GPR155: variants seen among roughly 807,000 people sequenced by gnomAD.
GPR155 encodes the protein G protein-coupled receptor 155, also known as lysosomal cholesterol signaling protein.
A neutral mutation model predicts 93.1 loss-of-function variants in GPR155; 65 were observed. The observed-to-expected ratio is 0.70, with a 90% CI of 0.57 to 0.86. The LOEUF is 0.86. GPR155 is among the 40% of genes least tolerant of loss of function. GPR155 has a pLI of 0.00. For missense variants in GPR155, 838 were observed against 1,034.8 expected (o/e 0.81, Z 2.61); for synonymous variants, 319 against 360.1 (o/e 0.89, Z 1.29).
intron 2 of GPR155, among the ~76,000 whole-genome samples, chr2:174,475,016 C>T (rs1307316118): frequency 6.6e-6 from 1 of 152,046 alleles, no homozygotes; most frequent in Non-Finnish European, 1.5e-5. Flanking sequence ...GGTTTCTCGG[C>T]CGGGCGCGGT....
In GPR155 at chr2:174,482,142, ACATACC is replaced by A. The variant is rs1415594033; in HGVS notation, c.-31-161_-31-156del. ...ACTTATTCAATGGCCAAATAAATAT[ACATACC>A]ATCAGGGAAAATACAATGGAAAAAA... On this transcript the variant is annotated intron_variant, in intron 1 of 15. Coordinates refer to ENST00000392552, the MANE Select transcript of GPR155 (RefSeq NM_152529.7). Among the ~76,000 whole-genome samples the A allele has an allele frequency of 4.0e-4, 61 of 152,354 alleles. 1 individual carries two copies. The highest frequency in any genetic ancestry group is 3.5e-3 in the South Asian group (17 of 4,830).
chr2:174,446,484 A>C (rs913539697), intron 12 of GPR155, 127 bp downstream of exon 12: 8 of 766,016 alleles, frequency 1.0e-5, no homozygotes, highest in Non-Finnish European at 1.7e-5. Context: ...CTCAAGATCC[A>C]AATTCAGGTG....
At chr2:174,437,684 A>C (rs1686829806) in intron 15 of GPR155, among the ~76,000 whole-genome samples, 1 of 149,770 alleles carries the variant, frequency 6.7e-6, no homozygotes, top group Admixed American at 6.7e-5. Context: ...TCCTGGGTTC[A>C]AGTGATTCTC....
intron 10 of GPR155, 101 bp from the exon 11 acceptor site, chr2:174,453,942 C>T (rs1687410232): frequency 3.9e-6 from 3 of 764,132 alleles, no homozygotes; most frequent in Non-Finnish European, 4.7e-6. Context: ...CACTCACACA[C>T]ACTTCCCATG....
chr2:174,455,290 TGAGTGCC>T (rs1687482160), intron 10 of GPR155, among the ~76,000 whole-genome samples: 1 of 152,164 alleles, frequency 6.6e-6, no homozygotes, highest in South Asian at 2.1e-4. Context: ...AGTGATAACA[TGAGTGCC>T]GAGTGCTGGA....
At chr2:174,483,916 G>A (rs555384604) in intron 1 of GPR155, among the ~76,000 whole-genome samples, 5 of 152,078 alleles carry the variant, frequency 3.3e-5, no homozygotes, top group African/African-American at 1.2e-4. Context: ...GATTATTCTG[G>A]GTTTACCATC....
At chr2:174,484,459 C>T (rs1225742874) in intron 1 of GPR155, among the ~76,000 whole-genome samples, 1 of 152,194 alleles carries the variant, frequency 6.6e-6, no homozygotes, top group African/African-American at 2.4e-5. Flanking sequence ...CTTATAAGCC[C>T]TTACTTGTAC....
intron 1 of GPR155, among the ~76,000 whole-genome samples, chr2:174,486,018 G>C (rs1274877413): frequency 6.6e-6 from 1 of 152,204 alleles, no homozygotes; most frequent in Non-Finnish European, 1.5e-5. Flanking sequence ...TGAAAATGCG[G>C]GGGGAAGGCG....
At chr2:174,473,741 TCCA>T (rs1688066539) in intron 2 of GPR155, among the ~76,000 whole-genome samples, 1 of 152,170 alleles carries the variant, frequency 6.6e-6, no homozygotes, top group African/African-American at 2.4e-5. Flanking sequence ...TTTATTGGTA[TCCA>T]TGGAAAGAAC....
intron 1 of GPR155, among the ~76,000 whole-genome samples, chr2:174,483,313 T>C (rs1013421143): frequency 2.0e-5 from 3 of 152,204 alleles, no homozygotes; most frequent in Admixed American, 6.5e-5. Flanking sequence ...TGATAAAGTA[T>C]TATAAGTTTT....
At chr2:174,440,469 G>A (rs563088201) in intron 14 of GPR155, among the ~76,000 whole-genome samples, 3 of 151,886 alleles carry the variant, frequency 2.0e-5, no homozygotes, top group East Asian at 1.9e-4. Context: ...ACTGGAGTAC[G>A]AAACAGTTTT....
intron 2 of GPR155, among the ~76,000 whole-genome samples, chr2:174,479,133 G>T (rs1688250184): frequency 6.6e-6 from 1 of 152,062 alleles, no homozygotes; most frequent in Non-Finnish European, 1.5e-5. Context: ...ATTTGGGCTG[G>T]CACACGGCTA....
chr2:174,474,408 G>A (rs2105730619), intron 2 of GPR155, among the ~76,000 whole-genome samples: 1 of 152,232 alleles, frequency 6.6e-6, no homozygotes, highest in South Asian at 2.1e-4. Flanking sequence ...ATAGAAAGGT[G>A]GATCTTACAA....
intron 7 of GPR155, among the ~76,000 whole-genome samples, chr2:174,464,218 G>T (rs964920692): frequency 5.3e-5 from 8 of 152,122 alleles, no homozygotes; most frequent in Non-Finnish European, 8.8e-5. Context: ...GTTTCCTAAG[G>T]TGTAGAGATT....
intron 1 of GPR155, among the ~76,000 whole-genome samples, chr2:174,483,867 G>C (rs928932651): frequency 2.6e-5 from 4 of 152,168 alleles, no homozygotes; most frequent in Non-Finnish European, 5.9e-5. Flanking sequence ...TTATAGGTGT[G>C]AGCCACCACG....
At position 174,431,811 on chromosome 2, in the gene GPR155, TTTTTC is replaced by T. The variant is rs1477442618; in HGVS notation, c.*4300_*4304del. ...AAACATATAAAACACTAGTTTCACA[TTTTTC>T]TTGCTTTAGAAATTTACTGACCATT... is the stretch of plus-strand genomic sequence containing the variant. On this transcript the variant is annotated 3_prime_UTR_variant, in exon 16 of 16. Coordinates refer to ENST00000392552, the MANE Select transcript of GPR155 (RefSeq NM_152529.7). 1 of 152,208 alleles carries T rather than the reference TTTTTC, an allele frequency of 6.6e-6. No homozygotes were observed. The highest frequency in any genetic ancestry group is 1.5e-5 in the Non-Finnish European group (1 of 68,034). 9.4% of individuals were successfully genotyped at this position (152,208 alleles called of 1,614,324 possible).
chr2:174,476,039 A>G (rs115564141), intron 2 of GPR155, among the ~76,000 whole-genome samples: 1,979 of 152,318 alleles, frequency 0.013, 54 homozygotes, highest in African/African-American at 0.045. Context: ...TTAAGAACTC[A>G]GTGCAAATTT....
At chr2:174,438,129 G>A (rs547117922) in intron 15 of GPR155, among the ~76,000 whole-genome samples, 8 of 151,972 alleles carry the variant, frequency 5.3e-5, no homozygotes, top group Non-Finnish European at 8.8e-5. Context: ...ATGGTGGCAC[G>A]CACCTGTAGT....
At chr2:174,466,775 A>G (rs1202299966) in intron 5 of GPR155, 148 bp from the exon 6 acceptor site, 3 of 546,154 alleles carry the variant, frequency 5.5e-6, no homozygotes, top group South Asian at 2.3e-5. Context: ...GTCTAGTTCC[A>G]AAAAGGTAAA....
Sources: gnomAD v4.1 joint callset for allele counts (sites outside exome capture counted in the v4.1 genomes callset) on GRCh38, gnomAD v4.1.1 for gene constraint, MANE v1.5 for transcripts, NCBI Gene and HGNC (gene_info 2026-07-23, HGNC 2026-07-21) for gene names.